SLC14A2: variants seen among roughly 807,000 people sequenced by gnomAD.
SLC14A2 encodes the protein urea transporter 2.
Under a neutral mutation model 104.6 loss-of-function variants are expected in SLC14A2, and 91 were observed. That is an observed-to-expected ratio of 0.87 (90% CI 0.73 to 1.04). SLC14A2 has a LOEUF of 1.04. SLC14A2 is among the 50% of genes least tolerant of loss of function. The pLI is 0.00. For missense variants in SLC14A2, 1,189 were observed against 1,156.0 expected (o/e 1.03, Z -0.41); for synonymous variants, 476 against 466.4 (o/e 1.02, Z -0.27).
intron 1 of SLC14A2, among the ~76,000 whole-genome samples, chr18:45,242,073 C>T (rs1306559385): frequency 6.6e-6 from 1 of 152,118 alleles, no homozygotes; most frequent in Non-Finnish European, 1.5e-5. Context: ...CTTTACTGCA[C>T]AACAAAGCCA....
At chr18:45,594,427 G>A (rs982407059) in intron 2 of SLC14A2, among the ~76,000 whole-genome samples, 1 of 152,136 alleles carries the variant, frequency 6.6e-6, no homozygotes, top group African/African-American at 2.4e-5. Context: ...TGGCACCGCA[G>A]GTTTTCTCCG....
chr18:45,191,895 A>G, the SLC14A2 span, among the ~76,000 whole-genome samples: 1 of 152,188 alleles, frequency 6.6e-6, no homozygotes, highest in Non-Finnish European at 1.5e-5. Context: ...TATTCTGGAC[A>G]AGGGGTGTCC....
chr18:45,667,171 T>C, intron 13 of SLC14A2, 77 bp downstream of exon 13: 1 of 1,212,548 alleles, frequency 8.2e-7, no homozygotes, highest in Non-Finnish European at 1.2e-6. Flanking sequence ...CCCATTGCCA[T>C]GGGGGTTCCC....
intron 16 of SLC14A2, among the ~76,000 whole-genome samples, chr18:45,672,282 C>A (rs1316029820): frequency 6.6e-6 from 1 of 152,184 alleles, no homozygotes; most frequent in Non-Finnish European, 1.5e-5. Context: ...GTAATCCCAG[C>A]ACTTTGGGAG....
chr18:45,591,643 A>G (rs1215312820), intron 2 of SLC14A2, among the ~76,000 whole-genome samples: 5 of 152,174 alleles, frequency 3.3e-5, no homozygotes, highest in East Asian at 1.9e-4. Context: ...CCGAGATAAC[A>G]ATATTTCTAA....
chr18:45,567,486 G>A (rs1568279494), intron 2 of SLC14A2, among the ~76,000 whole-genome samples: 2 of 152,236 alleles, frequency 1.3e-5, no homozygotes, highest in East Asian at 1.9e-4. Flanking sequence ...AAGCTTCTCT[G>A]TTTTATTCAA....
intron 1 of SLC14A2, among the ~76,000 whole-genome samples, chr18:45,380,958 G>A (rs2085828347): frequency 6.6e-6 from 1 of 152,244 alleles, no homozygotes; most frequent in Non-Finnish European, 1.5e-5. Flanking sequence ...CTCTGAAGTT[G>A]TTTGATAAAT....
chr18:45,332,699 T>G (rs2085302088), intron 1 of SLC14A2, among the ~76,000 whole-genome samples: 1 of 152,150 alleles, frequency 6.6e-6, no homozygotes, highest in African/African-American at 2.4e-5. Context: ...TGAGTCAAAG[T>G]CTCAATCCAG....
the SLC14A2 span, among the ~76,000 whole-genome samples, chr18:45,205,142 G>A: frequency 1.8e-4 from 27 of 152,174 alleles, no homozygotes; most frequent in African/African-American, 4.6e-4. Context: ...CCCAGCATGC[G>A]GGCCTCCTAA....
Position 45,682,697 on chromosome 18 carries a change from T to A in SLC14A2, c.*178T>A. On this transcript the variant is annotated 3_prime_UTR_variant, in exon 20 of 20. Coordinates refer to ENST00000255226, the MANE Select transcript of SLC14A2 (RefSeq NM_007163.4). ...CTCTCTTTTCTAAGATGCACAACACTTATCAAAGATATGTTTAGTTTAGAC... is the reference window on the plus strand; with the variant it reads ...CTCTCTTTTCTAAGATGCACAACACATATCAAAGATATGTTTAGTTTAGAC... 1 of 612,236 alleles carries A rather than the reference T, an allele frequency of 1.6e-6. No individual in the cohort carries two copies. Among genetic ancestry groups the A allele is most frequent in the Non-Finnish European group, 2.9e-6 (1 of 340,270 alleles). 37.9% of individuals were successfully genotyped at this position (612,236 alleles called of 1,614,324 possible).
intron 1 of SLC14A2, among the ~76,000 whole-genome samples, chr18:45,244,786 A>G (rs1410790371): frequency 3.3e-5 from 5 of 152,218 alleles, no homozygotes; most frequent in Admixed American, 6.5e-5. Flanking sequence ...TATGGTAGAA[A>G]GAGGCAGAAA....
At chr18:45,371,337 A>G (rs1345464010) in intron 1 of SLC14A2, among the ~76,000 whole-genome samples, 4 of 152,174 alleles carry the variant, frequency 2.6e-5, no homozygotes, top group Non-Finnish European at 5.9e-5. Flanking sequence ...TGAAAAGTGA[A>G]TAGGCCCTGT....
intron 2 of SLC14A2, among the ~76,000 whole-genome samples, chr18:45,553,036 T>C (rs2044078099): frequency 6.6e-6 from 1 of 152,122 alleles, no homozygotes; most frequent in South Asian, 2.1e-4. Flanking sequence ...AGGTGAGAGA[T>C]GATGGTGACC....
chr18:45,644,217 T>A, intron 10 of SLC14A2, 57 bp downstream of exon 10: 1 of 1,558,070 alleles, frequency 6.4e-7, no homozygotes. Flanking sequence ...GTCCTCTCCC[T>A]GTGTTCTCTG....
At chr18:45,188,120 G>A in the SLC14A2 span, among the ~76,000 whole-genome samples, 1 of 152,042 alleles carries the variant, frequency 6.6e-6, no homozygotes, top group Non-Finnish European at 1.5e-5. Flanking sequence ...TATAATCCAG[G>A]GGCCCTTATA....
the SLC14A2 span, among the ~76,000 whole-genome samples, chr18:45,170,915 T>C: frequency 1.3e-5 from 2 of 152,142 alleles, no homozygotes; most frequent in African/African-American, 4.8e-5. Flanking sequence ...TAGGAGAAGA[T>C]GCAAAATGTG....
chr18:45,358,730 C>T (rs1003578618), intron 1 of SLC14A2, among the ~76,000 whole-genome samples: 4 of 152,184 alleles, frequency 2.6e-5, no homozygotes, highest in Non-Finnish European at 5.9e-5. Flanking sequence ...TCATACACTA[C>T]TGCACCCAGC....
chr18:45,588,339 C>A (rs2044597675), intron 2 of SLC14A2, among the ~76,000 whole-genome samples: 1 of 152,150 alleles, frequency 6.6e-6, no homozygotes, highest in Non-Finnish European at 1.5e-5. Flanking sequence ...CCTCTGAAGT[C>A]TCCTTCAGGC....
intron 1 of SLC14A2, among the ~76,000 whole-genome samples, chr18:45,324,691 A>G (rs1171471672): frequency 1.3e-5 from 2 of 152,022 alleles, no homozygotes; most frequent in East Asian, 3.9e-4. Context: ...ATTTGTTTTT[A>G]AATGCTATGA....
Sources: allele counts gnomAD v4.1 joint callset (sites outside exome capture counted in the v4.1 genomes callset), GRCh38; gene constraint gnomAD v4.1.1; transcripts MANE v1.5; gene names NCBI Gene and HGNC (gene_info 2026-07-23, HGNC 2026-07-21).